TEK: variants seen among roughly 807,000 people sequenced by gnomAD.
The protein encoded by TEK is TEK receptor tyrosine kinase.
TEK carries 43 observed loss-of-function variants against 131.8 expected under a neutral mutation model. The ratio of observed to expected loss-of-function variants is 0.33; its 90% confidence interval spans 0.26 to 0.42. The LOEUF (loss-of-function observed/expected upper bound fraction) is 0.42, where lower values mean the gene tolerates loss of function less well. Among genes scored for constraint, TEK ranks in the 10% least tolerant of loss-of-function variants. TEK has a pLI of 1.00. For synonymous variants in TEK, 580 were observed against 491.6 expected (o/e 1.18, Z -2.38); for missense variants, 1,162 against 1,384.4 (o/e 0.84, Z 2.55).
chr9:27,172,381 A>ATGCCCTC (rs1319757608), intron 4 of TEK, among the ~76,000 whole-genome samples: 1 of 152,134 alleles, frequency 6.6e-6, no homozygotes. Flanking sequence ...GCCTTCCTTT[A>ATGCCCTC]TGCCCTCTTC....
intron 1 of TEK, among the ~76,000 whole-genome samples, chr9:27,153,311 G>A (rs542638912): frequency 1.2e-3 from 185 of 152,262 alleles, no homozygotes; most frequent in Non-Finnish European, 2.1e-3. Context: ...TTAGCTGGGC[G>A]TGGTCGCGGG....
At chr9:27,114,629 A>G (rs1465073832) in intron 1 of TEK, among the ~76,000 whole-genome samples, 2 of 152,186 alleles carry the variant, frequency 1.3e-5, no homozygotes, top group Non-Finnish European at 2.9e-5. Flanking sequence ...TAAAAACTGC[A>G]GTTACTTTTG....
chr9:27,182,613 G>C (rs555662789), intron 7 of TEK, among the ~76,000 whole-genome samples: 5 of 152,088 alleles, frequency 3.3e-5, no homozygotes, highest in African/African-American at 9.6e-5. Context: ...TGCTCTGAGG[G>C]CACCTCTATC....
intron 1 of TEK, among the ~76,000 whole-genome samples, chr9:27,126,552 T>C (rs1821998288): frequency 6.6e-6 from 1 of 152,136 alleles, no homozygotes; most frequent in South Asian, 2.1e-4. Context: ...ATACAGAATC[T>C]ATAAATGATG....
intron 11 of TEK, chr9:27,195,815 C>A: frequency 4.8e-6 from 2 of 417,266 alleles, no homozygotes; most frequent in South Asian, 1.8e-5. Flanking sequence ...TTTTATTTTA[C>A]AGGTGAACTT....
At chr9:27,192,725 G>T in intron 11 of TEK, 102 bp downstream of exon 11, 1 of 953,196 alleles carries the variant, frequency 1.0e-6, no homozygotes, top group East Asian at 3.0e-5. Context: ...GTGAGTGGGT[G>T]GGTGGGGATG....
At chr9:27,227,788 A>AT (rs1293394348) in intron 21 of TEK, among the ~76,000 whole-genome samples, 11 of 152,078 alleles carry the variant, frequency 7.2e-5, no homozygotes, top group African/African-American at 1.2e-4. Context: ...TTAAACAGGC[A>AT]TTTTTTTGTT....
chr9:27,185,489 A>G lies in TEK; in HGVS notation c.1187A>G (p.Lys396Arg). Residue 396 changes from lysine to arginine, a missense_variant, in exon 9 of 23, where the codon AAA (lysine) becomes AGA (arginine). Coordinates refer to ENST00000380036, the MANE Select transcript of TEK (RefSeq NM_000459.5). ...TTTTGTATTTGACCTTTTCAGCCAAAAGACTTTAACCATACGGATCATTTC... is the reference window on the plus strand; with the variant it reads ...TTTTGTATTTGACCTTTTCAGCCAAGAGACTTTAACCATACGGATCATTTC... Reference protein sequence around the residue: ...VKPDGTVLHPKDFNHTDHFSV... With the variant: ...VKPDGTVLHPRDFNHTDHFSV... 1 of 1,613,684 alleles carries G rather than the reference A, an allele frequency of 6.2e-7. No individual in the cohort carries two copies.
At chr9:27,226,915 G>A (rs1031480099) in intron 21 of TEK, among the ~76,000 whole-genome samples, 1 of 152,106 alleles carries the variant, frequency 6.6e-6, no homozygotes, top group African/African-American at 2.4e-5. Context: ...ATAATTTATT[G>A]TCTAAATGGA....
chr9:27,198,067 A>G (rs1400883898), intron 12 of TEK, among the ~76,000 whole-genome samples: 1 of 151,600 alleles, frequency 6.6e-6, no homozygotes, highest in Non-Finnish European at 1.5e-5. Context: ...TTTTTTTCCA[A>G]AGTATTTTGC....
chr9:27,153,247 G>C (rs1366772498), intron 1 of TEK, among the ~76,000 whole-genome samples: 1 of 152,076 alleles, frequency 6.6e-6, no homozygotes, highest in Admixed American at 6.5e-5. Context: ...AGGAGTTCAA[G>C]ACCAGCCTGG....
At chr9:27,181,347 C>CA (rs1413186477) in intron 7 of TEK, among the ~76,000 whole-genome samples, 2 of 151,976 alleles carry the variant, frequency 1.3e-5, no homozygotes, top group Non-Finnish European at 2.9e-5. Context: ...CCTAAATCTC[C>CA]AAAAAATTTT....
chr9:27,168,984 C>G (rs1235821300), intron 3 of TEK, among the ~76,000 whole-genome samples: 1 of 152,234 alleles, frequency 6.6e-6, no homozygotes, highest in Non-Finnish European at 1.5e-5. Flanking sequence ...GGCAGTCCAA[C>G]TGTGTAATCC....
chr9:27,146,231 G>A (rs1006587940), intron 1 of TEK, among the ~76,000 whole-genome samples: 3 of 152,010 alleles, frequency 2.0e-5, no homozygotes, highest in African/African-American at 7.2e-5. Context: ...CCATATCTTT[G>A]CATATTTTTA....
In TEK at chr9:27,190,568, C is replaced by T; in HGVS notation, c.1367C>T (p.Thr456Ile). 1.9e-6 allele frequency: 3 copies of T among 1,614,052 alleles called. No individual in the cohort carries two copies. The highest frequency in any genetic ancestry group is 2.5e-6 in the Non-Finnish European group (3 of 1,179,934). ...CTGAATGCCCCAAACGTGATTGACACTGGACATAACTTTGCTGTCATCAAC... is the reference window on the plus strand; with the variant it reads ...CTGAATGCCCCAAACGTGATTGACATTGGACATAACTTTGCTGTCATCAAC... ...KPLNAPNVID[T>I]GHNFAVINIS... is the part of the protein sequence containing the mutation. The change falls in exon 10 of 23, where the codon ACT becomes ATT. Residue 456 changes from threonine to isoleucine, a missense_variant. Around this residue, in one of 6 missense-constraint regions of TEK, gnomAD observed 477 missense variants for 471.0 expected, o/e 1.01. Coordinates refer to ENST00000380036, the MANE Select transcript of TEK (RefSeq NM_000459.5).
At chr9:27,186,985 C>T (rs191005588) in intron 9 of TEK, among the ~76,000 whole-genome samples, 10 of 152,144 alleles carry the variant, frequency 6.6e-5, no homozygotes, top group Admixed American at 5.9e-4. Flanking sequence ...TTTGGTAGAA[C>T]ATTCACGTGA....
intron 2 of TEK, among the ~76,000 whole-genome samples, chr9:27,164,847 T>C (rs751201852): frequency 3.9e-5 from 6 of 152,176 alleles, no homozygotes; most frequent in Non-Finnish European, 7.3e-5. Context: ...GACAATTAAA[T>C]TTGTGTAAAG....
At chr9:27,123,186 A>G (rs1184056233) in intron 1 of TEK, among the ~76,000 whole-genome samples, 1 of 150,682 alleles carries the variant, frequency 6.6e-6, no homozygotes, top group Non-Finnish European at 1.5e-5. Flanking sequence ...AGAAAGTGGG[A>G]AGGGAGGGAG....
intron 22 of TEK, among the ~76,000 whole-genome samples, chr9:27,228,681 T>G (rs10812541): frequency 0.079 from 12,093 of 152,134 alleles, 687 homozygotes; most frequent in Admixed American, 0.15. Flanking sequence ...GTTACTATAA[T>G]GAGGGTCAGG....
Sources: allele counts gnomAD v4.1 joint callset (sites outside exome capture counted in the v4.1 genomes callset), GRCh38; gene constraint gnomAD v4.1.1; regional missense constraint gnomAD v4.1.1; transcripts MANE v1.5; gene names NCBI Gene and HGNC (gene_info 2026-07-23, HGNC 2026-07-21).